Variants in USP30 observed in about 807,000 individuals in gnomAD.
USP30 encodes ubiquitin carboxyl-terminal hydrolase 30.
USP30 carries 41 observed loss-of-function variants against 68.2 expected under a neutral mutation model. The ratio of observed to expected loss-of-function variants is 0.60; its 90% CI spans 0.47 to 0.78. USP30 has a LOEUF of 0.78. Ranked by LOEUF, USP30 falls within the 30% of genes least tolerant of loss-of-function variation. The pLI is 0.00. For synonymous variants in USP30, 229 were observed against 253.7 expected (o/e 0.90, Z 0.93); for missense variants, 522 against 649.4 (o/e 0.80, Z 2.13).
intron 1 of USP30, among the ~76,000 whole-genome samples, chr12:109,055,600 G>A (rs543295979): frequency 1.3e-4 from 19 of 146,732 alleles, no homozygotes; most frequent in East Asian, 4.1e-4. Flanking sequence ...GGGTTTCACC[G>A]TGTTGGCCAG....
At chr12:109,046,092 CTTTTTTTTTT>C (rs34629352) in intron 3 of USP30, among the ~76,000 whole-genome samples, 1 of 46,772 alleles carries the variant, frequency 2.1e-5, no homozygotes, top group Non-Finnish European at 4.3e-5. Flanking sequence ...GGAAGTCAGT[CTTTTTTTTTT>C]TTTTTTTTTT....
intron 3 of USP30, among the ~76,000 whole-genome samples, chr12:109,032,517 G>C (rs1375897216): frequency 6.6e-6 from 1 of 152,166 alleles, no homozygotes; most frequent in Non-Finnish European, 1.5e-5. Context: ...TAAGAACATT[G>C]TGTTAGGTGA....
chr12:109,073,497 A>T lies in USP30; in HGVS notation c.685A>T (p.Thr229Ser), dbSNP rs2041507271. 4 of 1,613,992 alleles carry T rather than the reference A, an allele frequency of 2.5e-6. No individual in the cohort carries two copies. Among genetic ancestry groups the T allele is most frequent in the East Asian group, 2.2e-5 (1 of 44,890 alleles). ...TCAACATCCTTTTCATGGAAGACTC[A>T]CTAGTAATATGGTCTGCAAACACTG... ...KSQHPFHGRL[T>S]SNMVCKHCEH... is the part of the protein sequence containing the mutation. Residue 229 changes from threonine to serine, a missense_variant, in exon 7 of 13, where the codon ACT (threonine) becomes TCT (serine). Physicochemically the swap from Thr to Ser is moderately conservative, Grantham distance 58 (BLOSUM62 1). Coordinates refer to ENST00000257548, the MANE Select transcript of USP30 (RefSeq NM_032663.5).
chr12:109,026,964 C>T (rs780105745), intron 2 of USP30, among the ~76,000 whole-genome samples: 16 of 152,168 alleles, frequency 1.1e-4, no homozygotes, highest in Non-Finnish European at 2.2e-4. Flanking sequence ...GGCACTATCT[C>T]ATCATGTCAG....
intron 3 of USP30, among the ~76,000 whole-genome samples, chr12:109,043,428 G>C (rs563389223): frequency 6.6e-6 from 1 of 152,104 alleles, no homozygotes; most frequent in Non-Finnish European, 1.5e-5. Flanking sequence ...AAACTCTCTG[G>C]TATATGGTCA....
chr12:109,053,713 A>G (rs1375519539), intron 1 of USP30: 2 of 240,284 alleles, frequency 8.3e-6, no homozygotes, highest in Non-Finnish European at 1.7e-5. Flanking sequence ...AGGAGAAGCC[A>G]GATCTTTTCA....
In USP30 at chr12:109,067,647, A is replaced by C; in HGVS notation, c.480+20A>C. ...GAACAGGTGAGTACAACATTTGAAC[A>C]GGTTTAGCTTGGAGAATCCTTTCCC... On this transcript the variant is annotated intron_variant, in intron 4 of 12. Coordinates refer to ENST00000257548, the MANE Select transcript of USP30 (RefSeq NM_032663.5). 1 of 1,607,040 alleles carries C rather than the reference A, an allele frequency of 6.2e-7. No homozygotes were observed. Among genetic ancestry groups the C allele is most frequent in the Non-Finnish European group, 8.5e-7 (1 of 1,174,072 alleles).
chr12:109,069,897 G>T (rs2041382023), intron 4 of USP30, among the ~76,000 whole-genome samples: 2 of 152,182 alleles, frequency 1.3e-5, no homozygotes, highest in South Asian at 4.1e-4. Context: ...GAGCATTCCA[G>T]ACAGATGAAG....
intron 1 of USP30, chr12:109,053,682 T>C: frequency 4.8e-6 from 1 of 209,982 alleles, no homozygotes; most frequent in Non-Finnish European, 9.8e-6. Flanking sequence ...GCCCCATAGC[T>C]GACCTCATAG....
chr12:109,066,689 A>G (rs2041264258), intron 3 of USP30, among the ~76,000 whole-genome samples: 1 of 152,194 alleles, frequency 6.6e-6, no homozygotes, highest in African/African-American at 2.4e-5. Context: ...TGTTTCAAAA[A>G]AAAAGAAAAG....
intron 3 of USP30, among the ~76,000 whole-genome samples, chr12:109,033,347 A>AT (rs1475376703): frequency 6.6e-6 from 1 of 152,236 alleles, no homozygotes; most frequent in Non-Finnish European, 1.5e-5. Context: ...AAGAAAGTTC[A>AT]TTGGCACTGG....
chr12:109,050,997 AAAG>A (rs1171059686), upstream of USP30, among the ~76,000 whole-genome samples: 1 of 152,152 alleles, frequency 6.6e-6, no homozygotes, highest in Admixed American at 6.5e-5. Context: ...CTCAAAAAAA[AAAG>A]AATGTAAATT....
chr12:109,069,153 T>C (rs1044058000), intron 4 of USP30, among the ~76,000 whole-genome samples: 2 of 152,260 alleles, frequency 1.3e-5, no homozygotes, highest in African/African-American at 4.8e-5. Context: ...TAAGACAGTC[T>C]AGTGCTACAG....
chr12:109,066,674 G>A (rs942131727), intron 3 of USP30, among the ~76,000 whole-genome samples: 18 of 152,158 alleles, frequency 1.2e-4, no homozygotes, highest in Middle Eastern at 3.4e-3. Context: ...GACAGAGCAC[G>A]ACTCTGTTTC....
At chr12:109,028,338 G>A (rs117536257) in intron 3 of USP30, among the ~76,000 whole-genome samples, 5,376 of 152,262 alleles carry the variant, frequency 0.035, 589 homozygotes, top group Admixed American at 0.22. Context: ...ACAGTCTGCA[G>A]GCTGTACAGG....
At chr12:109,063,994 C>T (rs189703911) in intron 3 of USP30, among the ~76,000 whole-genome samples, 82 of 151,850 alleles carry the variant, frequency 5.4e-4, no homozygotes, top group Non-Finnish European at 6.3e-4. Context: ...CTGCCTCAGC[C>T]TCCTGAGTAG....
intron 3 of USP30, among the ~76,000 whole-genome samples, chr12:109,031,782 G>T (rs2040483236): frequency 1.3e-5 from 2 of 152,142 alleles, no homozygotes; most frequent in South Asian, 4.1e-4. Context: ...CCCCTTATAT[G>T]AGGTCTCAAA....
chr12:109,035,679 C>G (rs553609759), intron 3 of USP30, among the ~76,000 whole-genome samples: 1 of 152,178 alleles, frequency 6.6e-6, no homozygotes, highest in South Asian at 2.1e-4. Flanking sequence ...TGATTTATAA[C>G]AATCTAGTTT....
At chr12:109,045,184 G>A (rs2040594458) in intron 3 of USP30, among the ~76,000 whole-genome samples, 1 of 151,980 alleles carries the variant, frequency 6.6e-6, no homozygotes, top group Admixed American at 6.6e-5. Context: ...TCACCATGTT[G>A]GCCAGGCTGG....
Sources: allele counts gnomAD v4.1 joint callset (sites outside exome capture counted in the v4.1 genomes callset), GRCh38; gene constraint gnomAD v4.1.1; transcripts MANE v1.5; gene names NCBI Gene and HGNC (gene_info 2026-07-23, HGNC 2026-07-21).